FOCAD: variants seen among roughly 807,000 people sequenced by gnomAD.
FOCAD encodes the protein KIAA1797.
Under a neutral mutation model 225.6 loss-of-function variants are expected in FOCAD, and 198 were observed. That is an observed-to-expected ratio of 0.88 (90% CI 0.78 to 0.99). The LOEUF (loss-of-function observed/expected upper bound fraction) is 0.99, where lower values mean the gene tolerates loss of function less well. FOCAD is among the 50% of genes least tolerant of loss of function. The pLI, the probability that FOCAD is intolerant of heterozygous loss-of-function variation, is 0.00. For missense variants in FOCAD, 2,713 were observed against 2,123.6 expected, an observed-to-expected ratio of 1.28 and a Z score of -5.46; for synonymous variants, 897 against 755.0, an observed-to-expected ratio of 1.19 and a Z score of -3.08.
chr9:20,658,465 GA>G (rs1358872993), intron 1 of FOCAD: 1 of 156,736 alleles, frequency 6.4e-6, no homozygotes, highest in Non-Finnish European at 1.4e-5. Flanking sequence ...GCCAGGTGCG[GA>G]ATATAATCTC....
chr9:20,658,193 G>C (rs1254469490), upstream of FOCAD: 1 of 152,242 alleles, frequency 6.6e-6, no homozygotes, highest in Non-Finnish European at 1.5e-5. Context: ...CTGTCAGACA[G>C]GGACACTTAA....
chr9:20,702,577 A>C (rs1824046186), intron 1 of FOCAD, among the ~76,000 whole-genome samples: 1 of 152,208 alleles, frequency 6.6e-6, no homozygotes. Flanking sequence ...ATGAAGATAA[A>C]GTTAATAGTA....
intron 15 of FOCAD, among the ~76,000 whole-genome samples, chr9:20,851,844 T>C (rs1390467285): frequency 2.0e-5 from 3 of 151,918 alleles, no homozygotes; most frequent in African/African-American, 7.2e-5. Context: ...CACTACCTTT[T>C]TTTGTAAGTA....
chr9:20,761,429 A>T (rs1220766066), intron 6 of FOCAD, among the ~76,000 whole-genome samples: 4 of 150,156 alleles, frequency 2.7e-5, no homozygotes, highest in South Asian at 4.3e-4. Flanking sequence ...TTTTATTTTT[A>T]TTTTTTTTTG....
intron 11 of FOCAD, among the ~76,000 whole-genome samples, chr9:20,790,531 G>A (rs1820411635): frequency 6.6e-6 from 1 of 152,296 alleles, no homozygotes; most frequent in South Asian, 2.1e-4. Flanking sequence ...CAGCACTTTG[G>A]AAGGCTGAGG....
intron 37 of FOCAD, among the ~76,000 whole-genome samples, chr9:20,980,274 G>GAGGTCAAGC (rs374244727): frequency 6.6e-6 from 1 of 152,048 alleles, no homozygotes; most frequent in African/African-American, 2.4e-5. Context: ...GAGGCAAATG[G>GAGGTCAAGC]AGGTCAAGCA....
chr9:20,932,103 G>C (rs570653021), intron 27 of FOCAD, among the ~76,000 whole-genome samples: 1 of 152,040 alleles, frequency 6.6e-6, no homozygotes, highest in African/African-American at 2.4e-5. Context: ...GGATATTTAA[G>C]TATATTTTAC....
In FOCAD at chr9:20,982,413, T is replaced by G; in HGVS notation, c.4695T>G (p.Asp1565Glu). The part of the protein sequence containing the change: ...SIAKCLLEMT[D>E]DDANRIAQVT... ...CAAAATGCCTCTTAGAAATGACAGA[T>G]GATGATGCCAATCGGATCGCCCAGG... is the stretch of plus-strand genomic sequence containing the variant. The change falls in exon 39 of 44, where the codon GAT becomes GAG. Residue 1565 changes from aspartate to glutamate, a missense_variant. Physicochemically the swap from Asp to Glu is conservative, Grantham distance 45. Transcript: ENST00000338382. 6.2e-7 allele frequency: 1 copy of G among 1,613,936 alleles called. No homozygotes were observed. The highest frequency in any genetic ancestry group is 8.5e-7 in the Non-Finnish European group (1 of 1,179,870).
intron 11 of FOCAD, among the ~76,000 whole-genome samples, chr9:20,803,671 T>C (rs1329061288): frequency 6.6e-6 from 1 of 152,120 alleles, no homozygotes; most frequent in Non-Finnish European, 1.5e-5. Flanking sequence ...TGGTCTGTTC[T>C]GTTAGAGAGT....
intron 15 of FOCAD, among the ~76,000 whole-genome samples, chr9:20,855,847 C>G (rs193192699): frequency 2.9e-4 from 36 of 123,926 alleles, no homozygotes; most frequent in Non-Finnish European, 4.9e-4. Flanking sequence ...AAACATTTGT[C>G]TTTCTTTTCC....
chr9:20,752,512 A>G (rs1465109129), intron 5 of FOCAD, among the ~76,000 whole-genome samples: 1 of 151,986 alleles, frequency 6.6e-6, no homozygotes, highest in Non-Finnish European at 1.5e-5. Flanking sequence ...TGTTCCATTG[A>G]TCTATATCTC....
At chr9:20,660,871 GCAGA>G (rs1212576271) in intron 2 of FOCAD, among the ~76,000 whole-genome samples, 1 of 151,522 alleles carries the variant, frequency 6.6e-6, no homozygotes, top group African/African-American at 2.4e-5. Context: ...GATATGAGAG[GCAGA>G]CAGTCAAAGA....
intron 4 of FOCAD, among the ~76,000 whole-genome samples, chr9:20,728,528 G>C (rs1240188914): frequency 6.6e-6 from 1 of 152,184 alleles, no homozygotes; most frequent in Non-Finnish European, 1.5e-5. Context: ...TAGGATTTTG[G>C]ATTTGTTGAT....
chr9:20,800,753 T>G (rs1821721285), intron 11 of FOCAD, among the ~76,000 whole-genome samples: 7 of 151,772 alleles, frequency 4.6e-5, no homozygotes, highest in Admixed American at 4.6e-4. Context: ...ATTCGTCTAA[T>G]TTTTTTTCAA....
Position 20,671,443 on chromosome 9 carries a change from G to A in FOCAD, c.-78+12617G>A, listed in dbSNP as rs191284924. 3.5e-4 allele frequency among the ~76,000 whole-genome samples: 54 copies of A among 152,154 alleles called. 1 individual carries two copies. The highest frequency in any genetic ancestry group is 1.3e-3 in the African/African-American group (54 of 41,536). On this transcript the variant is annotated intron_variant, in intron 2 of 45. Coordinates refer to the FOCAD transcript ENST00000380249. ...GAAGAATGGCTTCAGCCCAGAACAA[G>A]CTTTCTCTAAGTGGAATGCAGGAGG...
chr9:20,670,478 A>G (rs1345403322), intron 2 of FOCAD, among the ~76,000 whole-genome samples: 3 of 152,196 alleles, frequency 2.0e-5, no homozygotes, highest in Non-Finnish European at 4.4e-5. Flanking sequence ...AGGGGAAGCA[A>G]GGCACATCTT....
chr9:20,781,223 G>A (rs969225784), intron 9 of FOCAD, among the ~76,000 whole-genome samples: 1 of 152,058 alleles, frequency 6.6e-6, no homozygotes, highest in Non-Finnish European at 1.5e-5. Context: ...TTTTGTTGTT[G>A]TTATTTTGGT....
intron 18 of FOCAD, among the ~76,000 whole-genome samples, chr9:20,873,544 G>T (rs1348150498): frequency 6.6e-6 from 1 of 152,160 alleles, no homozygotes; most frequent in African/African-American, 2.4e-5. Context: ...CGCCCTCTGA[G>T]AATTAGGTAC....
chr9:20,807,124 T>A (rs1159556954), intron 11 of FOCAD, among the ~76,000 whole-genome samples: 2 of 152,242 alleles, frequency 1.3e-5, no homozygotes, highest in Non-Finnish European at 2.9e-5. Context: ...TTATAGTCAG[T>A]GTTTGATGAA....
Sources: allele counts gnomAD v4.1 joint callset (sites outside exome capture counted in the v4.1 genomes callset), GRCh38; gene constraint gnomAD v4.1.1; transcripts MANE v1.5; gene names NCBI Gene and HGNC (gene_info 2026-07-23, HGNC 2026-07-21).